Variants in EFR3B observed in about 807,000 individuals in gnomAD.
EFR3B encodes the protein EFR3 homolog B, also known as protein EFR3 homolog B.
Under a neutral mutation model 104.7 loss-of-function variants are expected in EFR3B, and 64 were observed. The observed-to-expected ratio is 0.61, with a 90% confidence interval of 0.50 to 0.75. The LOEUF is 0.75. EFR3B is among the 30% of genes least tolerant of loss of function. EFR3B has a pLI of 0.00. For synonymous variants in EFR3B, 385 were observed against 417.9 expected (o/e 0.92, Z 0.96); for missense variants, 750 against 1,078.5 (o/e 0.70, Z 4.27).
chr2:25,113,752 A>G (rs1286481124), intron 4 of EFR3B, among the ~76,000 whole-genome samples: 1 of 151,986 alleles, frequency 6.6e-6, no homozygotes, highest in East Asian at 1.9e-4. Context: ...AAATTCATGG[A>G]GTATGGATGA....
At chr2:25,111,928 G>A (rs1032389043) in intron 4 of EFR3B, among the ~76,000 whole-genome samples, 9 of 152,256 alleles carry the variant, frequency 5.9e-5, no homozygotes, top group African/African-American at 2.2e-4. Context: ...CCAGAACTCA[G>A]ATAATAAGCG....
At chr2:25,153,842 GTCTTC>G (rs1671086207) in intron 22 of EFR3B, 81 bp downstream of exon 22, 4 of 1,395,652 alleles carry the variant, frequency 2.9e-6, no homozygotes, top group East Asian at 2.5e-5. Flanking sequence ...TCTCACCCCT[GTCTTC>G]TCTTCTCTCC....
intron 5 of EFR3B, among the ~76,000 whole-genome samples, chr2:25,127,542 C>G (rs1278625779): frequency 6.6e-6 from 1 of 151,896 alleles, no homozygotes; most frequent in African/African-American, 2.4e-5. Context: ...TATTTTATAA[C>G]CAGAAAAAAG....
rs887267779 is a variant in EFR3B, at chr2:25,114,309, C to G, written c.364-7364C>G. Among the ~76,000 whole-genome samples the G allele has an allele frequency of 6.6e-6, 1 of 152,288 alleles. No individual in the cohort carries two copies. The highest frequency in any genetic ancestry group is 1.5e-5 in the Non-Finnish European group (1 of 68,018). On this transcript the variant is annotated intron_variant, in intron 4 of 22. Coordinates refer to ENST00000403714, the MANE Select transcript of EFR3B (RefSeq NM_014971.2). This position sits in a 1 kb window ranked among gnomAD's most constrained non-coding sequence, Gnocchi z 4.0. ...AGCGCTCCCTGACCAGGTGACCTAG[C>G]TGGGCTGCTGCGACTGCGCTTTCAT...
chr2:25,083,119 G>T (rs1668855860), intron 1 of EFR3B, among the ~76,000 whole-genome samples: 1 of 152,122 alleles, frequency 6.6e-6, no homozygotes, highest in Admixed American at 6.6e-5. Flanking sequence ...ACATACTAGG[G>T]AATTGGCCAT....
chr2:25,076,163 G>C (rs1668630150), intron 1 of EFR3B, among the ~76,000 whole-genome samples: 2 of 152,160 alleles, frequency 1.3e-5, no homozygotes, highest in South Asian at 4.2e-4. Context: ...AAAGTGTTGA[G>C]ATTACAGGTG....
chr2:25,058,422 C>A (rs749478580), intron 1 of EFR3B: 9 of 152,154 alleles, frequency 5.9e-5, no homozygotes, highest in Admixed American at 2.0e-4. Flanking sequence ...TGAAATACTA[C>A]TTCACACCCG....
intron 3 of EFR3B, among the ~76,000 whole-genome samples, chr2:25,095,281 G>A (rs1669245394): frequency 6.6e-6 from 1 of 152,180 alleles, no homozygotes; most frequent in Non-Finnish European, 1.5e-5. Flanking sequence ...TACTTTCCAT[G>A]TAATTTGAAA....
At chr2:25,070,423 G>A (rs984888558) in intron 1 of EFR3B, among the ~76,000 whole-genome samples, 4 of 152,004 alleles carry the variant, frequency 2.6e-5, no homozygotes, top group Non-Finnish European at 5.9e-5. Flanking sequence ...CACCACGCCC[G>A]GCTAATATTT....
Position 25,131,994 on chromosome 2 carries a change from G to A in EFR3B, c.1147+83G>A, listed in dbSNP as rs867005489. ...AGGGGAGGGACGGGACGGGGCCCAG[G>A]GGCTCAAGACTGAGGCGCAGGGCGG... On this transcript the variant is annotated intron_variant, in intron 10 of 22. Transcript: ENST00000403714. The surrounding 1 kb of genome is among the most constrained non-coding windows in gnomAD (Gnocchi z 7.6). 8.5e-7 allele frequency: 1 copy of A among 1,174,768 alleles called. No homozygotes were observed. The highest frequency in any genetic ancestry group is 1.1e-6 in the Non-Finnish European group (1 of 912,242). The allele number at this position is 1,174,768 out of a possible 1,614,324, so 72.8% of individuals were successfully genotyped here. A position where few individuals can be genotyped will look rare whatever the true frequency, so the allele number is the denominator to read the frequency against.
rs541074784 is a variant in EFR3B, at chr2:25,042,890, C to G, written c.7+571C>G. ...AGGTTCACCAACTTCCAGATTTTCC[C>G]TCCGCAGTGATGAAGGGAGGAGACG... On this transcript the variant is annotated intron_variant, in intron 1 of 22. Transcript: ENST00000403714. The surrounding 1 kb of genome is among the most constrained non-coding windows in gnomAD (Gnocchi z 5.4). Among the ~76,000 whole-genome samples, 61 of 152,282 alleles carry G rather than the reference C, an allele frequency of 4.0e-4. No homozygotes were observed. Among genetic ancestry groups the G allele is most frequent in the African/African-American group, 1.4e-3 (58 of 41,554 alleles).
intron 4 of EFR3B, among the ~76,000 whole-genome samples, chr2:25,117,307 A>G (rs1669889612): frequency 1.3e-5 from 2 of 151,810 alleles, no homozygotes; most frequent in African/African-American, 2.4e-5. Flanking sequence ...GGGGTGGGGG[A>G]CAGAAACCAG....
At chr2:25,078,186 C>A (rs553622150) in intron 1 of EFR3B, among the ~76,000 whole-genome samples, 1 of 152,200 alleles carries the variant, frequency 6.6e-6, no homozygotes, top group Non-Finnish European at 1.5e-5. Context: ...AAGTGCCCTG[C>A]GAACTGCTGG....
chr2:25,131,886 C>G lies in EFR3B; in HGVS notation c.1122C>G (p.Phe374Leu). ...TCAAGGAGCACGAGGAGCGCATGTT[C>G]CAGGAGGCCGTCATCAAGACCGTGG... ...KIIKEHEERM[F>L]QEAVIKTVGS... is the part of the protein sequence containing the mutation. The change falls in exon 10 of 23, where the codon TTC becomes TTG. Residue 374 changes from phenylalanine (F) to leucine (L), a missense_variant. By Grantham distance (22) the Phe-to-Leu change is conservative (BLOSUM62 0). Transcript: ENST00000403714. The surrounding 1 kb of genome is among the most constrained non-coding windows in gnomAD (Gnocchi z 7.6). 1 of 1,541,514 alleles carries G rather than the reference C, an allele frequency of 6.5e-7. No homozygotes were observed.
intron 1 of EFR3B, among the ~76,000 whole-genome samples, chr2:25,072,882 G>A (rs1014391632): frequency 2.0e-5 from 3 of 152,082 alleles, no homozygotes; most frequent in African/African-American, 7.2e-5. Flanking sequence ...AAATTCTTGA[G>A]TCTTAAAAAT....
intron 1 of EFR3B, among the ~76,000 whole-genome samples, chr2:25,066,024 G>A (rs1051939400): frequency 4.6e-5 from 7 of 152,148 alleles, no homozygotes; most frequent in African/African-American, 1.2e-4. Flanking sequence ...TATGGGGCAG[G>A]TGGATGCTAG....
At chr2:25,100,292 A>G (rs1165203560) in intron 3 of EFR3B, among the ~76,000 whole-genome samples, 3 of 152,206 alleles carry the variant, frequency 2.0e-5, no homozygotes, top group Non-Finnish European at 4.4e-5. Flanking sequence ...GAATCTTTTA[A>G]TTCATCCTTT....
At chr2:25,060,284 A>C (rs1668153034) in intron 1 of EFR3B, among the ~76,000 whole-genome samples, 1 of 152,256 alleles carries the variant, frequency 6.6e-6, no homozygotes, top group African/African-American at 2.4e-5. Context: ...ACATGTTATC[A>C]GAGTTGATCA....
chr2:25,135,605 C>G lies in EFR3B; in HGVS notation c.1450C>G (p.Arg484Gly). The G allele has an allele frequency of 6.4e-7, 1 of 1,551,898 alleles. No homozygotes were observed. Among genetic ancestry groups the G allele is most frequent in the South Asian group, 1.2e-5 (1 of 84,062 alleles). ...AGAGATTCTCATCAGTTTCATTGAT[C>G]GTCATGGCAACCGCCACAAGTTCTC... ...VLEILISFID[R>G]HGNRHKFSTI... Residue 484 changes from arginine to glycine, a missense_variant, in exon 13 of 23, where the codon CGT becomes GGT. Physicochemically the swap from Arg to Gly is moderately radical, Grantham distance 125. Coordinates refer to ENST00000403714, the MANE Select transcript of EFR3B (RefSeq NM_014971.2).
Sources: allele counts gnomAD v4.1 joint callset (sites outside exome capture counted in the v4.1 genomes callset), GRCh38; gene constraint gnomAD v4.1.1; non-coding constraint Gnocchi (gnomAD v3.1); transcripts MANE v1.5; gene names NCBI Gene and HGNC (gene_info 2026-07-23, HGNC 2026-07-21).